The following CACNG2 variants were observed in gnomAD, a reference collection of about 807,000 sequenced individuals.
CACNG2 encodes voltage-dependent calcium channel gamma-2 subunit.
In CACNG2, 3 loss-of-function variants were observed where a neutral mutation model predicts 25.9. The ratio of observed to expected loss-of-function variants is 0.12; its 90% CI spans 0.05 to 0.30. The LOEUF (loss-of-function observed/expected upper bound fraction) is 0.30. CACNG2 is among the 10% of genes least tolerant of loss of function. The probability of loss-of-function intolerance (pLI) is 1.00; values close to 1 mark genes in which losing one functional copy is unlikely to be tolerated. For synonymous variants in CACNG2, 167 were observed against 173.3 expected, an observed-to-expected ratio of 0.96 and a Z score of 0.29; for missense variants, 341 against 432.5, an observed-to-expected ratio of 0.79 and a Z score of 1.88.
chr22:36,676,932 T>TTGTG (rs138729815), intron 1 of CACNG2, among the ~76,000 whole-genome samples: 30,261 of 141,580 alleles, frequency 0.21, 3,428 homozygotes, highest in Middle Eastern at 0.28. Context: ...TCTTCTAATA[T>TTGTG]TGTGTGTGTG....
chr22:36,679,167 TTCC>T (rs1380341536), intron 1 of CACNG2, among the ~76,000 whole-genome samples: 2 of 117,100 alleles, frequency 1.7e-5, no homozygotes, highest in East Asian at 4.9e-4. Flanking sequence ...CCTTCCTTCC[TTCC>T]TTCCTTCCTT....
chr22:36,614,635 G>A (rs1377852862), intron 1 of CACNG2, among the ~76,000 whole-genome samples: 24 of 152,266 alleles, frequency 1.6e-4, no homozygotes, highest in Non-Finnish European at 2.9e-5. Flanking sequence ...ATCCAGCCCC[G>A]GGTCAGCACA....
At chr22:36,673,038 C>A (rs943465349) in intron 1 of CACNG2, among the ~76,000 whole-genome samples, 5 of 152,174 alleles carry the variant, frequency 3.3e-5, no homozygotes, top group African/African-American at 4.8e-5. Flanking sequence ...TCAGCCTGGG[C>A]AACAAGGCAA....
rs187040359 is a variant in CACNG2 at position 36,685,458 on chromosome 22, G to A, written c.211+16908C>T. Among the ~76,000 whole-genome samples, 693 of 151,840 alleles carry A rather than the reference G, an allele frequency of 4.6e-3. 1 individual carries two copies. The highest frequency in any genetic ancestry group is 7.9e-3 in the Non-Finnish European group (537 of 67,992). ...CTGTCCTCTGGTGCTCTGCAAAGCCGCTGACTTAGACCTGGGGTGGCAGCT... is the reference window on the plus strand; with the variant it reads ...CTGTCCTCTGGTGCTCTGCAAAGCCACTGACTTAGACCTGGGGTGGCAGCT... On this transcript the variant is annotated intron_variant, in intron 1 of 3. Coordinates refer to ENST00000300105, the MANE Select transcript of CACNG2 (RefSeq NM_006078.5).
intron 2 of CACNG2, among the ~76,000 whole-genome samples, chr22:36,577,196 A>G (rs1037464208): frequency 6.6e-6 from 1 of 152,234 alleles, no homozygotes; most frequent in African/African-American, 2.4e-5. Flanking sequence ...AATGTCTGGT[A>G]TGCGAGGAGC....
chr22:36,577,510 C>T (rs189126136), intron 2 of CACNG2, among the ~76,000 whole-genome samples: 4 of 152,050 alleles, frequency 2.6e-5, no homozygotes, highest in East Asian at 1.9e-4. Flanking sequence ...ATGAGCCAGG[C>T]GTGGTGGCGC....
At chr22:36,684,324 A>C (rs1937167721) in intron 1 of CACNG2, among the ~76,000 whole-genome samples, 1 of 152,230 alleles carries the variant, frequency 6.6e-6, no homozygotes, top group Non-Finnish European at 1.5e-5. Flanking sequence ...ATTTAAAGAT[A>C]CATGTTTGAG....
At chr22:36,577,615 G>A (rs2283976) in intron 2 of CACNG2, among the ~76,000 whole-genome samples, 35,451 of 146,540 alleles carry the variant, frequency 0.24, 4,466 homozygotes, top group Non-Finnish European at 0.29. Context: ...ATGCCACCGC[G>A]CTCCAGTCTG....
chr22:36,600,902 G>A (rs762141371), intron 1 of CACNG2, among the ~76,000 whole-genome samples: 4 of 152,062 alleles, frequency 2.6e-5, no homozygotes, highest in Non-Finnish European at 5.9e-5. Context: ...CCAACATGAT[G>A]TTGTATGATT....
At position 36,687,561 on chromosome 22, in the gene CACNG2, C is replaced by T. The variant is rs185053352; in HGVS notation, c.211+14805G>A. Among the ~76,000 whole-genome samples the T allele has an allele frequency of 2.6e-5, 4 of 152,332 alleles. No homozygotes were observed. In the East Asian group the frequency reaches 5.8e-4, roughly 22 times the overall value. On this transcript the variant is annotated intron_variant, in intron 1 of 3. Coordinates refer to ENST00000300105, the MANE Select transcript of CACNG2 (RefSeq NM_006078.5). The stretch of plus-strand genomic sequence containing the variant: ...TAGGGGAATTCTTTGGGTAGACATT[C>T]CCTGTGGTCGGCAGAATAACAGCCT...
chr22:36,602,891 A>G (rs963394121), intron 1 of CACNG2, among the ~76,000 whole-genome samples: 5 of 152,040 alleles, frequency 3.3e-5, no homozygotes, highest in Non-Finnish European at 7.3e-5. Context: ...ATTCTCTAAG[A>G]CATGACAATA....
chr22:36,646,185 T>C (rs2145971318), intron 1 of CACNG2, among the ~76,000 whole-genome samples: 1 of 152,336 alleles, frequency 6.6e-6, no homozygotes, highest in East Asian at 1.9e-4. Context: ...ATGTATTTCT[T>C]TTTTCCCATT....
Position 36,702,622 on chromosome 22 carries a change from G to T in CACNG2, c.-46C>A, listed in dbSNP as rs1475193183. The T allele has an allele frequency of 6.7e-7, 1 of 1,494,416 alleles. No individual in the cohort carries two copies. Among genetic ancestry groups the T allele is most frequent in the South Asian group, 1.1e-5 (1 of 88,666 alleles). The allele number at this position is 1,494,416 out of a possible 1,614,324, so 92.6% of individuals were successfully genotyped here. A position where few individuals can be genotyped will look rare whatever the true frequency, so the allele number is the denominator to read the frequency against. On this transcript the variant is annotated 5_prime_UTR_variant, in exon 1 of 4. Transcript: ENST00000300105. Reference sequence around the variant, plus strand: ...CCCAACCGACTTCTGGTTCTCGGGAGAGTGTGTGTGAGGGTGCAAGTACTA... The same window carrying T: ...CCCAACCGACTTCTGGTTCTCGGGATAGTGTGTGTGAGGGTGCAAGTACTA...
chr22:36,689,483 A>C (rs1247355160), intron 1 of CACNG2, among the ~76,000 whole-genome samples: 2 of 152,254 alleles, frequency 1.3e-5, no homozygotes, highest in Admixed American at 1.3e-4. Context: ...TCTGTGAACT[A>C]GCACAGAGTC....
chr22:36,688,699 C>A (rs1024093041), intron 1 of CACNG2, among the ~76,000 whole-genome samples: 1 of 152,056 alleles, frequency 6.6e-6, no homozygotes, highest in Non-Finnish European at 1.5e-5. Context: ...AGGCCCAGCC[C>A]GCCAGTGGCA....
chr22:36,619,939 C>T (rs1054014862), intron 1 of CACNG2, among the ~76,000 whole-genome samples: 6 of 152,270 alleles, frequency 3.9e-5, no homozygotes, highest in South Asian at 2.1e-4. Flanking sequence ...TTGGGGTCAT[C>T]GCTTTGTGTA....
At chr22:36,594,570 A>G (rs1373539549) in intron 1 of CACNG2, among the ~76,000 whole-genome samples, 1 of 152,188 alleles carries the variant, frequency 6.6e-6, no homozygotes, top group Non-Finnish European at 1.5e-5. Flanking sequence ...AGGTGTGTCC[A>G]GGCGAGGGAG....
intron 2 of CACNG2, among the ~76,000 whole-genome samples, chr22:36,579,651 A>G (rs757221121): frequency 7.9e-5 from 12 of 152,194 alleles, no homozygotes; most frequent in Non-Finnish European, 1.6e-4. Context: ...CTCAGAGGAA[A>G]GCAGAGGCTC....
chr22:36,583,646 C>T (rs1317887176), intron 2 of CACNG2, among the ~76,000 whole-genome samples: 2 of 152,156 alleles, frequency 1.3e-5, no homozygotes, highest in Non-Finnish European at 2.9e-5. Flanking sequence ...CATCAGTGGC[C>T]ACCCCTGCTG....
Sources: gnomAD v4.1 joint callset for allele counts (sites outside exome capture counted in the v4.1 genomes callset) on GRCh38, gnomAD v4.1.1 for gene constraint, MANE v1.5 for transcripts, NCBI Gene and HGNC (gene_info 2026-07-23, HGNC 2026-07-21) for gene names.